Variants in GHSR observed in about 807,000 individuals in gnomAD.
The protein encoded by GHSR is growth hormone secretagogue receptor.
Under a neutral mutation model 24.0 loss-of-function variants are expected in GHSR, and 17 were observed. The ratio of observed to expected loss-of-function variants is 0.71; its 90% CI spans 0.49 to 1.06. GHSR has a LOEUF of 1.06. Among genes scored for constraint, GHSR ranks in the 50% least tolerant of loss-of-function variants. The pLI is 0.00. For synonymous variants in GHSR, 238 were observed against 208.1 expected (o/e 1.14, Z -1.24); for missense variants, 504 against 483.1 (o/e 1.04, Z -0.41).
chr3:172,448,364 G>T lies in GHSR; in HGVS notation c.50C>A (p.Ala17Asp). The T allele has an allele frequency of 1.2e-6, 2 of 1,600,710 alleles. No homozygotes were observed. The highest frequency in any genetic ancestry group is 8.5e-7 in the Non-Finnish European group (1 of 1,179,716). Residue 17 changes from alanine to aspartate, a missense_variant, in exon 1 of 2, where the codon GCC becomes GAC. Coordinates refer to ENST00000241256, the MANE Select transcript of GHSR (RefSeq NM_198407.2). This position sits in a 1 kb window ranked among gnomAD's most constrained non-coding sequence, Gnocchi z 4.8. The part of the protein sequence containing the change: ...SEEPGFNLTL[A>D]DLDWDASPGN... ...GGGGGAAGCATCCCAGTCCAGGTCG[G>T]CCAGTGTGAGGTTGAACCCCGGCTC...
chr3:172,445,211 G>A lies in GHSR; in HGVS notation c.1051C>T (p.Leu351=), dbSNP rs777016625. Residue 351 remains leucine, a synonymous_variant, in exon 2 of 2, where the codon CTG becomes TTG. Transcript: ENST00000241256. ...EPFSQRKLST[L]KDESSRAWTE... ...CAGGCCCGAGAACTTTCATCTTTCA[G>A]AGTGGAGAGCTTTCTCTGGGAGAAG... is the stretch of plus-strand genomic sequence containing the variant. 11 of 1,613,992 alleles carry A rather than the reference G, an allele frequency of 6.8e-6. No individual in the cohort carries two copies. Among genetic ancestry groups the A allele is most frequent in the African/African-American group, 2.7e-5 (2 of 74,890 alleles).
In GHSR at chr3:172,447,834, C is replaced by A. The variant is rs538035493; in HGVS notation, c.580G>T (p.Asp194Tyr). ...VEHENGTDPW[D>Y]TNECRPTEFA... ...TCGGTGGGGCGGCACTCGTTGGTGT[C>A]CCAAGGGTCGGTGCCGTTCTCGTGC... Residue 194 changes from aspartate (D) to tyrosine (Y), a missense_variant, in exon 1 of 2, where the codon GAC (aspartate) becomes TAC (tyrosine). Coordinates refer to ENST00000241256, the MANE Select transcript of GHSR (RefSeq NM_198407.2). The A allele has an allele frequency of 2.5e-6, 4 of 1,613,980 alleles. No homozygotes were observed. The South Asian group carries it at 4.4e-5, about 18-fold the overall frequency.
chr3:172,448,029 C>A lies in GHSR; in HGVS notation c.385G>T (p.Ala129Ser). Residue 129 changes from alanine to serine, a missense_variant, in exon 1 of 2, where the codon GCC becomes TCC. Coordinates refer to ENST00000241256, the MANE Select transcript of GHSR (RefSeq NM_198407.2). This position sits in a 1 kb window ranked among gnomAD's most constrained non-coding sequence, Gnocchi z 4.8. ...FQFVSESCTY[A>S]TVLTITALSV... ...AGCGCTGTGATGGTGAGCACCGTGG[C>A]GTAGGTGCAGCTCTCACTGACGAAT... The A allele has an allele frequency of 6.2e-7, 1 of 1,614,152 alleles. No homozygotes were observed. The highest frequency in any genetic ancestry group is 8.5e-7 in the Non-Finnish European group (1 of 1,180,022).
Position 172,447,859 on chromosome 3 carries a change from C to T in GHSR, c.555G>A (p.Glu185=). The T allele has an allele frequency of 6.2e-7, 1 of 1,613,996 alleles. No homozygotes were observed. Among genetic ancestry groups the T allele is most frequent in the Non-Finnish European group, 8.5e-7 (1 of 1,180,014 alleles). Residue 185 remains glutamate, a synonymous_variant, in exon 1 of 2, where the codon GAG becomes GAA. Transcript: ENST00000241256. Reference sequence around the variant, plus strand: ...CCCAAGGGTCGGTGCCGTTCTCGTGCTCCACCCCGACTAGCACGAAGATGG... The same window carrying T: ...CCCAAGGGTCGGTGCCGTTCTCGTGTTCCACCCCGACTAGCACGAAGATGG... The part of the protein sequence containing the change: ...AGPIFVLVGV[E]HENGTDPWDT...
In GHSR at chr3:172,447,622, C is replaced by T. The variant is rs769797070; in HGVS notation, c.792G>A (p.Met264Ile). Residue 264 changes from methionine (M) to isoleucine (I), a missense_variant, in exon 1 of 2, where the codon ATG becomes ATA. By Grantham distance (10) the Met-to-Ile change is conservative. Coordinates refer to ENST00000241256, the MANE Select transcript of GHSR (RefSeq NM_198407.2). ...RDQNHKQTVK[M>I]LAVVVFAFIL... Reference sequence around the variant, plus strand: ...TGAGCGCGCGCTGAGACCCACCCAGCATTTTCACGGTTTGCTTGTGGTTCT... The same window carrying T: ...TGAGCGCGCGCTGAGACCCACCCAGTATTTTCACGGTTTGCTTGTGGTTCT... The T allele has an allele frequency of 1.3e-5, 21 of 1,613,946 alleles. No individual in the cohort carries two copies. The highest frequency in any genetic ancestry group is 1.8e-5 in the Non-Finnish European group (21 of 1,179,942).
Position 172,447,940 on chromosome 3 carries a change from C to A in GHSR, c.474G>T (p.Gly158=), listed in dbSNP as rs200286119. 6 of 1,613,334 alleles carry A rather than the reference C, an allele frequency of 3.7e-6. No homozygotes were observed. Among genetic ancestry groups the A allele is most frequent in the Non-Finnish European group, 1.7e-6 (2 of 1,179,294 alleles). The change falls in exon 1 of 2, where the codon GGG becomes GGT. Residue 158 remains glycine (G), a synonymous_variant. Coordinates refer to ENST00000241256, the MANE Select transcript of GHSR (RefSeq NM_198407.2). ...TGACGAAGATGACCAGCTTCACCCG[C>A]CCCTTGGTGACCACCACCTTGGCCC... ...PLRAKVVVTK[G]RVKLVIFVIW...
chr3:172,448,392 C>G lies in GHSR; in HGVS notation c.22G>C (p.Glu8Gln). The part of the protein sequence containing the change: MWNATPS[E>Q]EPGFNLTLAD... ...AGTGTGAGGTTGAACCCCGGCTCTT[C>G]GCTGGGCGTCGCGTTCCACATGCTG... Residue 8 changes from glutamate to glutamine, a missense_variant, in exon 1 of 2, where the codon GAA becomes CAA. By Grantham distance (29) the Glu-to-Gln change is conservative. Transcript: ENST00000241256. The surrounding 1 kb of genome is among the most constrained non-coding windows in gnomAD (Gnocchi z 4.8). 6.3e-7 allele frequency: 1 copy of G among 1,595,926 alleles called. No individual in the cohort carries two copies. Among genetic ancestry groups the G allele is most frequent in the Non-Finnish European group, 8.5e-7 (1 of 1,178,448 alleles).
Position 172,445,347 on chromosome 3 carries a change from G to C in GHSR, c.915C>G (p.Asn305Lys). Residue 305 changes from asparagine to lysine, a missense_variant, in exon 2 of 2, where the codon AAC becomes AAG. By Grantham distance (94) the Asn-to-Lys change is moderately conservative (BLOSUM62 0). Coordinates refer to ENST00000241256, the MANE Select transcript of GHSR (RefSeq NM_198407.2). ...LEIAQISQYC[N>K]LVSFVLFYLS... ...GGTAGAAGAGGACAAAGGACACGAG[G>C]TTGCAGTACTGGCTGATCTGAGCAA... is the stretch of plus-strand genomic sequence containing the variant. 6.2e-7 allele frequency: 1 copy of C among 1,614,126 alleles called. No homozygotes were observed. Among genetic ancestry groups the C allele is most frequent in the Non-Finnish European group, 8.5e-7 (1 of 1,180,014 alleles).
chr3:172,445,427 AG>A lies in GHSR; in HGVS notation c.834del (p.Phe279SerfsTer3), dbSNP rs1249971956. On this transcript the variant is annotated frameshift_variant, in exon 2 of 2. Transcript: ENST00000241256. LOFTEE classifies it high-confidence loss of function. The stretch of plus-strand genomic sequence containing the variant: ...GAAAATAAATATCGCCCTACGTGGA[AG>A]GGGAGCCAGCAGAGGATGAAGGCAA... ...VVFAFILCWL[P>X]FHVGRYLFSK... 1.9e-6 allele frequency: 3 copies of A among 1,613,656 alleles called. No homozygotes were observed. The Admixed American group carries it at 5.0e-5, about 27-fold the overall frequency.
intron 1 of GHSR, among the ~76,000 whole-genome samples, chr3:172,445,795 G>A (rs763825287): frequency 1.8e-4 from 27 of 152,206 alleles, no homozygotes; most frequent in Middle Eastern, 3.2e-3. Flanking sequence ...ACACACTTAC[G>A]AGGTAAAGTG....
chr3:172,447,709 G>A lies in GHSR; in HGVS notation c.705C>T (p.Ile235=), dbSNP rs916342259. The A allele has an allele frequency of 1.9e-6, 3 of 1,614,032 alleles. No homozygotes were observed. The highest frequency in any genetic ancestry group is 2.7e-5 in the African/African-American group (2 of 74,912). ...GCCTCCTCCGCCACAGCTTCCTGCC[G>A]ATGAGACTGTAGAGGACCGTGAGAC... is the stretch of plus-strand genomic sequence containing the variant. ...VFCLTVLYSL[I]GRKLWRRRRG... Residue 235 remains isoleucine, a synonymous_variant, in exon 1 of 2, where the codon ATC becomes ATT. Coordinates refer to ENST00000241256, the MANE Select transcript of GHSR (RefSeq NM_198407.2).
At position 172,445,426 on chromosome 3, in the gene GHSR, A is replaced by G; in HGVS notation, c.836T>C (p.Phe279Ser). Residue 279 changes from phenylalanine to serine, a missense_variant, in exon 2 of 2, where the codon TTC (phenylalanine) becomes TCC (serine). Coordinates refer to ENST00000241256, the MANE Select transcript of GHSR (RefSeq NM_198407.2). ...GGAAAATAAATATCGCCCTACGTGG[A>G]AGGGGAGCCAGCAGAGGATGAAGGC... ...VFAFILCWLP[F>S]HVGRYLFSKS... 6.2e-7 allele frequency: 1 copy of G among 1,613,668 alleles called. No individual in the cohort carries two copies. The highest frequency in any genetic ancestry group is 8.5e-7 in the Non-Finnish European group (1 of 1,180,012).
At position 172,447,680 on chromosome 3, in the gene GHSR, C is replaced by T. The variant is rs1737501186; in HGVS notation, c.734G>A (p.Gly245Asp). Residue 245 changes from glycine (G) to aspartate (D), a missense_variant, in exon 1 of 2, where the codon GGC becomes GAC. Coordinates refer to ENST00000241256, the MANE Select transcript of GHSR (RefSeq NM_198407.2). Reference sequence around the variant, plus strand: ...GAGCGAGGCACCCACGACAGCATCGCCGCGCCTCCTCCGCCACAGCTTCCT... The same window carrying T: ...GAGCGAGGCACCCACGACAGCATCGTCGCGCCTCCTCCGCCACAGCTTCCT... ...IGRKLWRRRR[G>D]DAVVGASLRD... 6.2e-6 allele frequency: 10 copies of T among 1,614,060 alleles called. No individual in the cohort carries two copies. Among genetic ancestry groups the T allele is most frequent in the Non-Finnish European group, 8.5e-6 (10 of 1,180,022 alleles).
chr3:172,446,966 G>A (rs954662297), intron 1 of GHSR, among the ~76,000 whole-genome samples: 35 of 152,288 alleles, frequency 2.3e-4, no homozygotes, highest in African/African-American at 7.0e-4. Context: ...TGTATGAACA[G>A]CAGCAGGGTA....
intron 1 of GHSR, 99 bp from the exon 2 acceptor site, chr3:172,445,564 AT>A: frequency 1.6e-6 from 2 of 1,215,796 alleles, no homozygotes; most frequent in Non-Finnish European, 2.4e-6. Flanking sequence ...GTCTATGACC[AT>A]TGACTTCAGA....
chr3:172,445,914 C>A (rs548277265), intron 1 of GHSR, among the ~76,000 whole-genome samples: 1 of 151,446 alleles, frequency 6.6e-6, no homozygotes, highest in African/African-American at 2.4e-5. Flanking sequence ...TCTAAGAGGG[C>A]GATCAGGACA....
chr3:172,447,965 C>T lies in GHSR; in HGVS notation c.449G>A (p.Arg150Gln), dbSNP rs1278713002. 4.3e-6 allele frequency: 7 copies of T among 1,613,864 alleles called. No homozygotes were observed. The highest frequency in any genetic ancestry group is 1.3e-5 in the African/African-American group (1 of 74,918). Reference protein sequence around the residue: ...ERYFAICFPLRAKVVVTKGRV... With the variant: ...ERYFAICFPLQAKVVVTKGRV... ...CCCCTTGGTGACCACCACCTTGGCC[C>T]GGAGTGGGAAGCAGATGGCGAAGTA... is the stretch of plus-strand genomic sequence containing the variant. The change falls in exon 1 of 2, where the codon CGG (arginine) becomes CAG (glutamine). Residue 150 changes from arginine to glutamine, a missense_variant. By Grantham distance (43) the Arg-to-Gln change is conservative. Transcript: ENST00000241256.
Position 172,443,815 on chromosome 3 carries a change from G to A in GHSR, c.*1346C>T, listed in dbSNP as rs979060189. Among the ~76,000 whole-genome samples, 1 of 152,114 alleles carries A rather than the reference G, an allele frequency of 6.6e-6. No homozygotes were observed. Reference sequence around the variant, plus strand: ...CTATCAGATAAGCAATGGGATATAAGCAGCAAAACTAATTTGGAGACAGGA... The same window carrying A: ...CTATCAGATAAGCAATGGGATATAAACAGCAAAACTAATTTGGAGACAGGA... On this transcript the variant is annotated 3_prime_UTR_variant, in exon 2 of 2. Coordinates refer to ENST00000241256, the MANE Select transcript of GHSR (RefSeq NM_198407.2).
At position 172,447,670 on chromosome 3, in the gene GHSR, G is replaced by C. The variant is rs780391023; in HGVS notation, c.744C>G (p.Val248=). 3.1e-6 allele frequency: 5 copies of C among 1,614,078 alleles called. No individual in the cohort carries two copies. Among genetic ancestry groups the C allele is most frequent in the Non-Finnish European group, 3.4e-6 (4 of 1,180,022 alleles). The change falls in exon 1 of 2, where the codon GTC becomes GTG. Residue 248 remains valine, a synonymous_variant. Coordinates refer to ENST00000241256, the MANE Select transcript of GHSR (RefSeq NM_198407.2). ...TCTGGTCCCTGAGCGAGGCACCCAC[G>C]ACAGCATCGCCGCGCCTCCTCCGCC... ...KLWRRRRGDA[V]VGASLRDQNH... is the part of the protein sequence containing the mutation.
Sources: allele counts gnomAD v4.1 joint callset (sites outside exome capture counted in the v4.1 genomes callset), GRCh38; gene constraint gnomAD v4.1.1; non-coding constraint Gnocchi (gnomAD v3.1); transcripts MANE v1.5; gene names NCBI Gene and HGNC (gene_info 2026-07-23, HGNC 2026-07-21).